Variants in OSBPL1A observed in about 807,000 individuals in gnomAD.
OSBPL1A encodes the protein oxysterol binding protein like 1A.
OSBPL1A carries 80 observed loss-of-function variants against 137.1 expected under a neutral mutation model. The ratio of observed to expected loss-of-function variants is 0.58; its 90% CI spans 0.49 to 0.70. The LOEUF is 0.70. OSBPL1A is among the 30% of genes least tolerant of loss of function. OSBPL1A has a pLI of 0.00. For synonymous variants in OSBPL1A, 365 were observed against 389.7 expected, an observed-to-expected ratio of 0.94 and a Z score of 0.75; for missense variants, 970 against 1,129.4, an observed-to-expected ratio of 0.86 and a Z score of 2.02.
At chr18:24,268,114 G>A (rs1327115381) in intron 15 of OSBPL1A, among the ~76,000 whole-genome samples, 1 of 151,726 alleles carries the variant, frequency 6.6e-6, no homozygotes, top group Non-Finnish European at 1.5e-5. Context: ...TCCTTTTTTT[G>A]TTGTTTATTT....
chr18:24,177,889 T>G (rs1262783360), intron 21 of OSBPL1A, 124 bp downstream of exon 21: 5 of 889,198 alleles, frequency 5.6e-6, no homozygotes, highest in Non-Finnish European at 6.7e-6. Flanking sequence ...CGTAGACAGT[T>G]TGCACTGTAT....
In OSBPL1A at chr18:24,377,410, T is replaced by C. The variant is rs772960945; in HGVS notation, c.121+3A>G. On this transcript the variant is annotated splice_donor_region_variant and intron_variant, in intron 2 of 27. Transcript: ENST00000319481. ...AAAGCTACAAAATCCATTCAAAGTT[T>C]ACCTTTGCAATTAATGTCAGCAATC... The C allele has an allele frequency of 1.2e-6, 2 of 1,603,966 alleles. No individual in the cohort carries two copies. The highest frequency in any genetic ancestry group is 4.5e-5 in the East Asian group (2 of 44,782).
At chr18:24,351,878 A>AAAAC (rs2091447411) in intron 4 of OSBPL1A, among the ~76,000 whole-genome samples, 1 of 152,180 alleles carries the variant, frequency 6.6e-6, no homozygotes, top group South Asian at 2.1e-4. Flanking sequence ...GCGTTATACC[A>AAAAC]AAACAAACAA....
rs1243292943 is a variant in OSBPL1A at position 24,317,146 on chromosome 18, T to C, written c.870+3A>G. 6.2e-7 allele frequency: 1 copy of C among 1,613,878 alleles called. No homozygotes were observed. Among genetic ancestry groups the C allele is most frequent in the African/African-American group, 1.3e-5 (1 of 75,028 alleles). On this transcript the variant is annotated splice_donor_region_variant and intron_variant, in intron 11 of 27. Transcript: ENST00000319481. ...GGAGCAAATGATCCATGTTTCATCC[T>C]ACCGTGCATACTGCTTGAGTCAGGT...
intron 2 of OSBPL1A, among the ~76,000 whole-genome samples, chr18:24,376,028 A>C (rs533157956): frequency 6.6e-6 from 1 of 152,346 alleles, no homozygotes; most frequent in African/African-American, 2.4e-5. Context: ...GTTACAGCTC[A>C]TAAAAGCAGT....
intron 17 of OSBPL1A, among the ~76,000 whole-genome samples, chr18:24,207,462 T>G (rs1036684562): frequency 5.9e-5 from 9 of 152,250 alleles, no homozygotes; most frequent in African/African-American, 1.9e-4. Flanking sequence ...AAATAAGTAT[T>G]TTTTATTAAG....
chr18:24,241,956 A>T lies in OSBPL1A; in HGVS notation c.1282-2574T>A, dbSNP rs1291733265. ...GAATACTACACAGCCATAAAAAAGA[A>T]TGAGTTCATGTCCTTTGCAGGAACA... is the stretch of plus-strand genomic sequence containing the variant. On this transcript the variant is annotated intron_variant, in intron 15 of 27. Coordinates refer to ENST00000319481, the MANE Select transcript of OSBPL1A (RefSeq NM_080597.4). Among the ~76,000 whole-genome samples the T allele has an allele frequency of 3.3e-5, 5 of 152,310 alleles. No homozygotes were observed. The South Asian group carries it at 1.0e-3, about 32-fold the overall frequency.
chr18:24,299,499 TTTTTCTGGATACAAAAAAAAAG>T (rs1437022493), intron 14 of OSBPL1A, among the ~76,000 whole-genome samples: 3 of 152,150 alleles, frequency 2.0e-5, no homozygotes, highest in African/African-American at 4.8e-5. Context: ...TCAAACTTAG[TTTTTCTGGATACAAAAAAAAAG>T]TTTTCTGGAT....
At chr18:24,318,529 G>T in intron 9 of OSBPL1A, 72 bp downstream of exon 9, 1 of 1,306,218 alleles carries the variant, frequency 7.7e-7, no homozygotes, top group Non-Finnish European at 1.1e-6. Flanking sequence ...TTTTTTAAAA[G>T]TTTTAAACAG....
At chr18:24,198,467 C>T (rs568762769) in intron 17 of OSBPL1A, among the ~76,000 whole-genome samples, 1 of 152,250 alleles carries the variant, frequency 6.6e-6, no homozygotes, top group South Asian at 2.1e-4. Flanking sequence ...AGATTATCTG[C>T]AACATTCATT....
At chr18:24,192,453 A>G (rs2086912004) in intron 18 of OSBPL1A, among the ~76,000 whole-genome samples, 1 of 152,240 alleles carries the variant, frequency 6.6e-6, no homozygotes, top group Non-Finnish European at 1.5e-5. Flanking sequence ...TAAAAGCTTC[A>G]ACCACAAACA....
At chr18:24,265,729 G>C (rs1352610828) in intron 15 of OSBPL1A, among the ~76,000 whole-genome samples, 1 of 152,184 alleles carries the variant, frequency 6.6e-6, no homozygotes, top group Non-Finnish European at 1.5e-5. Context: ...CCGGAGCATA[G>C]CATCTCCCCT....
At chr18:24,251,173 C>G (rs1017086550) in intron 15 of OSBPL1A, among the ~76,000 whole-genome samples, 5 of 152,188 alleles carry the variant, frequency 3.3e-5, no homozygotes, top group Non-Finnish European at 5.9e-5. Context: ...TATTTGGGGC[C>G]TGGGGAAACT....
chr18:24,310,512 G>A (rs1321623326), intron 13 of OSBPL1A, among the ~76,000 whole-genome samples: 1 of 148,200 alleles, frequency 6.7e-6, no homozygotes, highest in African/African-American at 2.5e-5. Flanking sequence ...TGAGGCAGGG[G>A]AATGGCGTGA....
At chr18:24,325,690 C>T (rs781609483) in intron 7 of OSBPL1A, among the ~76,000 whole-genome samples, 22 of 152,166 alleles carry the variant, frequency 1.4e-4, no homozygotes, top group East Asian at 3.8e-4. Flanking sequence ...CTCAAGAGCA[C>T]GGGGACTGTT....
intron 5 of OSBPL1A, 93 bp downstream of exon 5, chr18:24,341,454 C>CT: frequency 1.3e-6 from 1 of 781,844 alleles, no homozygotes. Context: ...TGGTTATCCT[C>CT]TGTTTTGTCC....
At chr18:24,256,075 G>A (rs547330422) in intron 15 of OSBPL1A, among the ~76,000 whole-genome samples, 2 of 152,278 alleles carry the variant, frequency 1.3e-5, no homozygotes, top group South Asian at 2.1e-4. Context: ...GATTACAGGC[G>A]TGAGCTACCA....
intron 1 of OSBPL1A, among the ~76,000 whole-genome samples, chr18:24,384,542 T>A (rs1906809829): frequency 7.0e-6 from 1 of 143,264 alleles, no homozygotes; most frequent in African/African-American, 2.7e-5. Context: ...CACTCCAGCC[T>A]GGGTGACAGA....
At chr18:24,227,846 C>A (rs55692276) in intron 16 of OSBPL1A, among the ~76,000 whole-genome samples, 2 of 151,968 alleles carry the variant, frequency 1.3e-5, no homozygotes, top group South Asian at 4.2e-4. Context: ...ATTTAAGACA[C>A]AGTATTAGTT....
Sources: allele counts gnomAD v4.1 joint callset (sites outside exome capture counted in the v4.1 genomes callset), GRCh38; gene constraint gnomAD v4.1.1; transcripts MANE v1.5; gene names NCBI Gene and HGNC (gene_info 2026-07-23, HGNC 2026-07-21).